Variants in TENM2 observed in about 807,000 individuals in gnomAD.
TENM2 encodes the protein teneurin-2.
A neutral mutation model predicts 245.2 loss-of-function variants in TENM2; 52 were observed. The ratio of observed to expected loss-of-function variants is 0.21; its 90% confidence interval spans 0.17 to 0.27. TENM2 has a LOEUF of 0.27. TENM2 is among the 10% of genes least tolerant of loss of function. The pLI is 1.00. For synonymous variants in TENM2, 1,363 were observed against 1,438.9 expected (o/e 0.95, Z 1.19); for missense variants, 3,046 against 3,666.8 (o/e 0.83, Z 4.37).
intron 4 of TENM2, among the ~76,000 whole-genome samples, chr5:167,968,941 C>T (rs546889174): frequency 5.9e-4 from 90 of 152,328 alleles, no homozygotes; most frequent in Middle Eastern, 6.8e-3. Flanking sequence ...ACTCAGTCAT[C>T]TTTTCCAGCT....
intron 2 of TENM2, among the ~76,000 whole-genome samples, chr5:167,380,427 G>A (rs1045533620): frequency 2.0e-5 from 3 of 152,098 alleles, no homozygotes; most frequent in African/African-American, 2.4e-5. Flanking sequence ...CAATTCTTAC[G>A]TTACTGTAAA....
intron 2 of TENM2, among the ~76,000 whole-genome samples, chr5:167,791,841 C>T (rs1049214978): frequency 6.6e-6 from 1 of 152,078 alleles, no homozygotes; most frequent in African/African-American, 2.4e-5. Flanking sequence ...GGCCACATCC[C>T]CATGTGTCTC....
chr5:167,743,898 T>C (rs1215312527), intron 2 of TENM2, among the ~76,000 whole-genome samples: 1 of 152,224 alleles, frequency 6.6e-6, no homozygotes, highest in African/African-American at 2.4e-5. Flanking sequence ...GCAACATTCC[T>C]ACCTCATTGA....
chr5:167,579,552 C>T (rs1271842609), intron 2 of TENM2, among the ~76,000 whole-genome samples: 5 of 152,230 alleles, frequency 3.3e-5, no homozygotes, highest in Non-Finnish European at 7.3e-5. Flanking sequence ...GTTCGACAGT[C>T]GTAGCCAAGC....
chr5:167,397,554 T>G (rs1382889214), intron 2 of TENM2, among the ~76,000 whole-genome samples: 1 of 152,124 alleles, frequency 6.6e-6, no homozygotes, highest in Admixed American at 6.6e-5. Flanking sequence ...TTTGAAGAGA[T>G]AACAATTTTC....
chr5:166,982,692 T>C, the TENM2 span, among the ~76,000 whole-genome samples: 2 of 152,062 alleles, frequency 1.3e-5, no homozygotes, highest in Non-Finnish European at 2.9e-5. Flanking sequence ...GTAGCCCTGA[T>C]GTACTCACAA....
chr5:167,140,322 G>A, the TENM2 span, among the ~76,000 whole-genome samples: 1 of 152,104 alleles, frequency 6.6e-6, no homozygotes, highest in Admixed American at 6.5e-5. Context: ...CATTCTTTCA[G>A]TTATTTAAAA....
chr5:167,430,682 C>T (rs1390672682), intron 2 of TENM2, among the ~76,000 whole-genome samples: 2 of 152,136 alleles, frequency 1.3e-5, no homozygotes, highest in East Asian at 1.9e-4. Context: ...CAAACAGAAT[C>T]CCAAAACAGG....
At chr5:167,044,036 A>AAGGAAG in the TENM2 span, among the ~76,000 whole-genome samples, 225 of 128,596 alleles carry the variant, frequency 1.7e-3, 5 homozygotes, top group East Asian at 0.032. Flanking sequence ...TAGTAAGGAC[A>AAGGAAG]GAAGGAAGGA....
chr5:167,734,635 C>G (rs1483333302), intron 2 of TENM2, among the ~76,000 whole-genome samples: 1 of 151,984 alleles, frequency 6.6e-6, no homozygotes, highest in Non-Finnish European at 1.5e-5. Context: ...TGTGTTCTAT[C>G]TACATTATTT....
intron 3 of TENM2, among the ~76,000 whole-genome samples, chr5:167,931,047 T>C (rs182060102): frequency 6.6e-6 from 1 of 152,208 alleles, no homozygotes; most frequent in East Asian, 1.9e-4. Context: ...GACCATGCCT[T>C]ATGCTATAAG....
Position 167,515,620 on chromosome 5 carries a change from C to CATATATATACATATATATGTAT in TENM2, c.502+140155_502+140176dup, listed in dbSNP as rs1469575447. 5.5e-5 allele frequency among the ~76,000 whole-genome samples: 6 copies of CATATATATACATATATATGTAT among 109,374 alleles called. 1 individual carries two copies. In the East Asian group the frequency reaches 2.2e-3, roughly 40 times the overall value. The allele number at this position is 109,374 out of a possible 152,430, so 71.8% of individuals were successfully genotyped here. On this transcript the variant is annotated intron_variant, in intron 2 of 28. Transcript: ENST00000518659. ...TGAATCATAGGGCAATATATATATA[C>CATATATATACATATATATGTAT]ATATATATACATATATATGTATATA...
rs1268344663 is a variant in TENM2 at position 168,218,670 on chromosome 5, A to T, written c.4779A>T (p.Leu1593Phe). ...CTGCATCCCCCGGAGAGCAGGAGTTATATGTTTTCAACGCTGATGGCATCC... is the reference window on the plus strand; with the variant it reads ...CTGCATCCCCCGGAGAGCAGGAGTTTTATGTTTTCAACGCTGATGGCATCC... Residue 1593 changes from leucine (L) to phenylalanine (F), a missense_variant, in exon 23 of 29, where the codon TTA becomes TTT. Transcript: ENST00000518659. This position sits in a 1 kb window ranked among gnomAD's most constrained non-coding sequence, Gnocchi z 5.2. The T allele has an allele frequency of 3.7e-6, 6 of 1,613,894 alleles. No homozygotes were observed. The highest frequency in any genetic ancestry group is 1.3e-5 in the African/African-American group (1 of 74,934).
chr5:167,721,482 T>C (rs1183284456), intron 2 of TENM2: 1 of 152,222 alleles, frequency 6.6e-6, no homozygotes. Flanking sequence ...CTGGAGCACA[T>C]AGCAAAGATT....
chr5:167,849,232 G>A (rs1770335228), intron 2 of TENM2, among the ~76,000 whole-genome samples: 1 of 151,908 alleles, frequency 6.6e-6, no homozygotes, highest in Admixed American at 6.6e-5. Context: ...CTCCTAGACC[G>A]CTAACCCTCC....
intron 13 of TENM2, among the ~76,000 whole-genome samples, chr5:168,181,835 C>T (rs1202473854): frequency 3.3e-5 from 5 of 151,946 alleles, no homozygotes; most frequent in African/African-American, 1.2e-4. Context: ...CACCACCACA[C>T]CCAGCTAATT....
intron 15 of TENM2, among the ~76,000 whole-genome samples, chr5:168,197,405 A>T (rs1581604895): frequency 6.6e-6 from 1 of 152,290 alleles, no homozygotes; most frequent in South Asian, 2.1e-4. Flanking sequence ...GCCCTCAAAG[A>T]GATGAAATTC....
At chr5:168,243,620 T>C (rs1766296063) in intron 25 of TENM2, among the ~76,000 whole-genome samples, 1 of 152,218 alleles carries the variant, frequency 6.6e-6, no homozygotes, top group Admixed American at 6.5e-5. Context: ...CATTAGCTTC[T>C]CAGCTAATGA....
the TENM2 span, among the ~76,000 whole-genome samples, chr5:167,194,614 T>G: frequency 6.6e-6 from 1 of 151,952 alleles, no homozygotes; most frequent in Admixed American, 6.6e-5. Context: ...TTAATGACGG[T>G]GAGAAGGAAC....
Sources: allele counts gnomAD v4.1 joint callset (sites outside exome capture counted in the v4.1 genomes callset), GRCh38; gene constraint gnomAD v4.1.1; non-coding constraint Gnocchi (gnomAD v3.1); transcripts MANE v1.5; gene names NCBI Gene and HGNC (gene_info 2026-07-23, HGNC 2026-07-21).